The following AFF3 variants were observed in gnomAD, a reference collection of about 807,000 sequenced individuals.
AFF3 encodes ALF transcription elongation factor 3.
Under a neutral mutation model 129.7 loss-of-function variants are expected in AFF3, and 32 were observed. The observed-to-expected ratio is 0.25, with a 90% CI of 0.19 to 0.33. AFF3 has a LOEUF of 0.33. Ranked by LOEUF, AFF3 falls within the 10% of genes least tolerant of loss-of-function variation. The probability of loss-of-function intolerance (pLI) is 1.00; values close to 1 mark genes in which losing one functional copy is unlikely to be tolerated. For synonymous variants in AFF3, 644 were observed against 635.4 expected (o/e 1.01, Z -0.20); for missense variants, 1,373 against 1,592.0 (o/e 0.86, Z 2.34).
At chr2:99,881,107 T>C (rs367600320) in intron 7 of AFF3, among the ~76,000 whole-genome samples, 3 of 152,320 alleles carry the variant, frequency 2.0e-5, no homozygotes, top group East Asian at 1.9e-4. Context: ...TTATAGAGTA[T>C]AGGCCTTTGT....
At chr2:99,964,800 C>T (rs979341170) in intron 7 of AFF3, among the ~76,000 whole-genome samples, 1 of 152,160 alleles carries the variant, frequency 6.6e-6, no homozygotes, top group African/African-American at 2.4e-5. Context: ...TCTTTGTGGT[C>T]ATGAAACTCT....
chr2:99,649,158 A>G (rs1328503308), intron 13 of AFF3, among the ~76,000 whole-genome samples: 1 of 152,184 alleles, frequency 6.6e-6, no homozygotes, highest in South Asian at 2.1e-4. Flanking sequence ...AGCAAGGAGT[A>G]AAAAGTCAAG....
intron 11 of AFF3, among the ~76,000 whole-genome samples, chr2:99,684,909 A>C (rs2104589878): frequency 6.6e-6 from 1 of 151,164 alleles, no homozygotes; most frequent in African/African-American, 2.4e-5. Context: ...TCTCAAAAAA[A>C]CTCACTATAT....
chr2:99,620,388 CGAGGCCAGGGTGGGAGGATCACTT>C (rs1234707558), intron 13 of AFF3, among the ~76,000 whole-genome samples: 1 of 152,134 alleles, frequency 6.6e-6, no homozygotes, highest in Non-Finnish European at 1.5e-5. Context: ...CAGCACTTTG[CGAGGCCAGGGTGGGAGGATCACTT>C]GGGGCCAGGA....
At chr2:100,072,798 T>C (rs1688298148) in intron 4 of AFF3, among the ~76,000 whole-genome samples, 2 of 152,212 alleles carry the variant, frequency 1.3e-5, no homozygotes. Flanking sequence ...ACCTCATTGC[T>C]GTTTCTTCTC....
chr2:99,786,014 G>A (rs556135219), intron 8 of AFF3, among the ~76,000 whole-genome samples: 201 of 152,300 alleles, frequency 1.3e-3, no homozygotes, highest in Non-Finnish European at 1.7e-3. Flanking sequence ...CTCCCAAAGT[G>A]CTTTAAGTGA....
At chr2:99,664,758 T>C (rs1686529409) in intron 12 of AFF3, among the ~76,000 whole-genome samples, 1 of 152,234 alleles carries the variant, frequency 6.6e-6, no homozygotes, top group Admixed American at 6.5e-5. Context: ...TATCCACGCA[T>C]TCGTTCAACA....
At chr2:100,108,616 C>G (rs916252292) in intron 2 of AFF3, among the ~76,000 whole-genome samples, 4 of 152,110 alleles carry the variant, frequency 2.6e-5, no homozygotes, top group African/African-American at 7.2e-5. Context: ...GACATACTCC[C>G]TGCAAATGGT....
chr2:99,750,198 A>G (rs1368981176), intron 9 of AFF3, among the ~76,000 whole-genome samples: 1 of 152,198 alleles, frequency 6.6e-6, no homozygotes, highest in East Asian at 1.9e-4. Context: ...AGAGTTAAGG[A>G]GTTCCTACAA....
rs1027572975 is a variant in AFF3 at position 99,565,832 on chromosome 2, C to T, written c.2983-209G>A. Among the ~76,000 whole-genome samples, 19 of 152,160 alleles carry T rather than the reference C, an allele frequency of 1.2e-4. 1 individual carries two copies. Among genetic ancestry groups the T allele is most frequent in the African/African-American group, 4.6e-4 (19 of 41,438 alleles). On this transcript the variant is annotated intron_variant, in intron 19 of 24. Coordinates refer to ENST00000672756, the MANE Select transcript of AFF3 (RefSeq NM_001386135.1). ...GAGTAAGTGAGCGAACAGTTATATA[C>T]AGAATTGTATCAAACCCATGTGACA...
In AFF3 at chr2:99,549,604, G is replaced by GT; in HGVS notation, c.*1869dup. On this transcript the variant is annotated 3_prime_UTR_variant, in exon 25 of 25. Coordinates refer to ENST00000672756, the MANE Select transcript of AFF3 (RefSeq NM_001386135.1). ...GTCTCAAAAAAAAAGTGAAAGGGTT[G>GT]TAAGAAGCACCCCAGTTGGAGACAT... 1 of 198,736 alleles carries GT rather than the reference G, an allele frequency of 5.0e-6. No homozygotes were observed. Among genetic ancestry groups the GT allele is most frequent in the Non-Finnish European group, 1.0e-5 (1 of 96,836 alleles). The allele number at this position is 198,736 out of a possible 1,614,324, so 12.3% of individuals were successfully genotyped here. A position where few individuals can be genotyped will look rare whatever the true frequency, so the allele number is the denominator to read the frequency against.
In AFF3 at chr2:100,128,658, C is replaced by T. The variant is rs568341850; in HGVS notation, c.-145+566G>A. Among the ~76,000 whole-genome samples the T allele has an allele frequency of 1.9e-4, 29 of 152,268 alleles. No individual in the cohort carries two copies. In the South Asian group the frequency reaches 5.6e-3, roughly 29 times the overall value. The stretch of plus-strand genomic sequence containing the variant: ...GTCAACCCCATAGCCTTAGATCGAG[C>T]CACTGTGACACCAGAAGGTGAAATG... On this transcript the variant is annotated intron_variant, in intron 2 of 24. Coordinates refer to ENST00000672756, the MANE Select transcript of AFF3 (RefSeq NM_001386135.1).
At chr2:100,058,357 C>T (rs1686975337) in intron 4 of AFF3, among the ~76,000 whole-genome samples, 1 of 151,882 alleles carries the variant, frequency 6.6e-6, no homozygotes, top group Non-Finnish European at 1.5e-5. Flanking sequence ...TGAAGGTGCT[C>T]CAAACTAGTT....
chr2:99,655,899 A>T (rs1685705479), intron 12 of AFF3, among the ~76,000 whole-genome samples: 1 of 152,206 alleles, frequency 6.6e-6, no homozygotes, highest in African/African-American at 2.4e-5. Context: ...GGAGAGAGCT[A>T]GTGTTACATT....
At chr2:99,907,984 A>G (rs1442282065) in intron 7 of AFF3, among the ~76,000 whole-genome samples, 1 of 152,122 alleles carries the variant, frequency 6.6e-6, no homozygotes, top group Non-Finnish European at 1.5e-5. Flanking sequence ...TGGGATGCGT[A>G]CAAATTATCT....
intron 4 of AFF3, among the ~76,000 whole-genome samples, chr2:100,099,296 T>G (rs921360208): frequency 1.3e-5 from 2 of 152,066 alleles, no homozygotes; most frequent in African/African-American, 4.8e-5. Context: ...TCTGTAGCAT[T>G]TTCTGGCACT....
chr2:99,931,302 T>C (rs1696657319), intron 7 of AFF3, among the ~76,000 whole-genome samples: 1 of 152,252 alleles, frequency 6.6e-6, no homozygotes, highest in South Asian at 2.1e-4. Context: ...CTGCTTTCTC[T>C]GCAGGAAAGC....
chr2:99,577,749 T>A (rs1677136541), intron 18 of AFF3, among the ~76,000 whole-genome samples: 1 of 152,250 alleles, frequency 6.6e-6, no homozygotes, highest in Admixed American at 6.5e-5. Context: ...CATTCCAGGA[T>A]GTTGTTTTTA....
intron 13 of AFF3, among the ~76,000 whole-genome samples, chr2:99,623,552 C>A (rs1682255831): frequency 6.6e-6 from 1 of 152,166 alleles, no homozygotes; most frequent in African/African-American, 2.4e-5. Context: ...GAGGTTGAGC[C>A]AGGTATCTCT....
Sources: gnomAD v4.1 joint callset for allele counts (sites outside exome capture counted in the v4.1 genomes callset) on GRCh38, gnomAD v4.1.1 for gene constraint, MANE v1.5 for transcripts, NCBI Gene and HGNC (gene_info 2026-07-23, HGNC 2026-07-21) for gene names.